Variants in ACADL observed in about 807,000 individuals in gnomAD.
The protein encoded by ACADL is long-chain specific acyl-CoA dehydrogenase, mitochondrial.
In ACADL, 60 loss-of-function variants were observed where a neutral mutation model predicts 56.9. The ratio of observed to expected loss-of-function variants is 1.05; its 90% CI spans 0.86 to 1.31. The LOEUF (loss-of-function observed/expected upper bound fraction) is 1.31, where lower values mean the gene tolerates loss of function less well. Among genes scored for constraint, ACADL ranks in the 50% most tolerant of loss-of-function variants. ACADL has a pLI of 0.00. For synonymous variants in ACADL, 158 were observed against 179.7 expected (o/e 0.88, Z 0.97); for missense variants, 484 against 525.5 (o/e 0.92, Z 0.77).
At chr2:210,216,219 C>T in intron 4 of ACADL, 128 bp downstream of exon 4, 1 of 978,084 alleles carries the variant, frequency 1.0e-6, no homozygotes, top group South Asian at 1.3e-5. Context: ...GACTTGAGGT[C>T]ATGAATTATC....
chr2:210,214,534 CTGCTTA>C (rs1432174360), intron 4 of ACADL, among the ~76,000 whole-genome samples: 1 of 35,676 alleles, frequency 2.8e-5, no homozygotes, highest in African/African-American at 6.5e-5. Context: ...AGAAAGAAAT[CTGCTTA>C]TTTTCTCCAT....
intron 6 of ACADL, among the ~76,000 whole-genome samples, chr2:210,205,114 C>T (rs1173695937): frequency 6.6e-6 from 1 of 152,056 alleles, no homozygotes; most frequent in Non-Finnish European, 1.5e-5. Context: ...GCAACCTCTG[C>T]CTCCTGGGTT....
intron 4 of ACADL, among the ~76,000 whole-genome samples, chr2:210,214,142 ACT>A (rs1308025167): frequency 1.3e-5 from 2 of 152,136 alleles, no homozygotes; most frequent in Non-Finnish European, 2.9e-5. Flanking sequence ...GGCCAGTGAA[ACT>A]CTGGATGTTT....
In ACADL at chr2:210,195,239, A is replaced by C; in HGVS notation, c.1084T>G (p.Ser362Ala). The change falls in exon 9 of 11, where the codon TCC becomes GCC. Residue 362 changes from serine to alanine, a missense_variant. Transcript: ENST00000233710. Reference protein sequence around the residue: ...LQLHEAKRLDSATACMAKYWA... With the variant: ...LQLHEAKRLDAATACMAKYWA... ...TATTTCGCCATGCAAGCAGTGGCGG[A>C]GTCCAAACGTTTCGCTTCATGCAGC... 3.7e-6 allele frequency: 6 copies of C among 1,613,960 alleles called. No individual in the cohort carries two copies. Among genetic ancestry groups the C allele is most frequent in the Non-Finnish European group, 5.1e-6 (6 of 1,179,916 alleles).
chr2:210,224,043 T>C (rs1689223107), intron 1 of ACADL, among the ~76,000 whole-genome samples: 1 of 151,652 alleles, frequency 6.6e-6, no homozygotes, highest in Admixed American at 6.6e-5. Context: ...CTGGTCAATA[T>C]GGTGAAACCC....
Position 210,205,793 on chromosome 2 carries a change from A to G in ACADL, c.607T>C (p.Phe203Leu). Reference protein sequence around the residue: ...SDWILNGSKVFISNGSLSDVV... With the variant: ...SDWILNGSKVLISNGSLSDVV... Reference sequence around the variant, plus strand: ...TCACTTAATGACCCATTACTGATGAACACCTGCAAAACCCCAAGTACATTA... The same window carrying G: ...TCACTTAATGACCCATTACTGATGAGCACCTGCAAAACCCCAAGTACATTA... Residue 203 changes from phenylalanine to leucine, a missense_variant, in exon 6 of 11, where the codon TTC (phenylalanine) becomes CTC (leucine). By Grantham distance (22) the Phe-to-Leu change is conservative (BLOSUM62 0). Transcript: ENST00000233710. The G allele has an allele frequency of 6.2e-7, 1 of 1,613,984 alleles. No homozygotes were observed. The highest frequency in any genetic ancestry group is 1.3e-5 in the African/African-American group (1 of 75,034).
intron 4 of ACADL, among the ~76,000 whole-genome samples, chr2:210,211,907 T>A (rs1688988918): frequency 6.6e-6 from 1 of 151,676 alleles, no homozygotes; most frequent in African/African-American, 2.4e-5. Flanking sequence ...CTTGGTTCAT[T>A]GCAACCTCTG....
chr2:210,203,408 T>C lies in ACADL; in HGVS notation c.907A>G (p.Ser303Gly). Residue 303 changes from serine to glycine, a missense_variant, in exon 8 of 11, where the codon AGT (serine) becomes GGT (glycine). Transcript: ENST00000233710. Reference protein sequence around the residue: ...LLIADVAISASEFMFEETRNY... With the variant: ...LLIADVAISAGEFMFEETRNY... ...CTGGTTTCTTCAAACATGAATTCACTAGCTGAAATTGCCACATCAGCAATT... is the reference window on the plus strand; with the variant it reads ...CTGGTTTCTTCAAACATGAATTCACCAGCTGAAATTGCCACATCAGCAATT... The C allele has an allele frequency of 6.2e-7, 1 of 1,611,242 alleles. No homozygotes were observed. Among genetic ancestry groups the C allele is most frequent in the South Asian group, 1.1e-5 (1 of 90,948 alleles).
At chr2:210,214,710 T>G (rs1288445346) in intron 4 of ACADL, among the ~76,000 whole-genome samples, 1 of 152,198 alleles carries the variant, frequency 6.6e-6, no homozygotes, top group Non-Finnish European at 1.5e-5. Flanking sequence ...TAATATGCAA[T>G]GAGCTGGAAG....
Position 210,217,967 on chromosome 2 carries a change from C to G in ACADL, c.369G>C (p.Glu123Asp). 6.2e-7 allele frequency: 1 copy of G among 1,614,042 alleles called. No individual in the cohort carries two copies. Among genetic ancestry groups the G allele is most frequent in the Non-Finnish European group, 8.5e-7 (1 of 1,179,972 alleles). Reference sequence around the variant, plus strand: ...ACCTTAAAAGTCTCCATACTTACTGCTCCTCCCAGACAATAGCTGCGGAGT... The same window carrying G: ...ACCTTAAAAGTCTCCATACTTACTGGTCCTCCCAGACAATAGCTGCGGAGT... ...DLYSAAIVWE[E>D]QAYSNCSGPG... The change falls in exon 3 of 11, where the codon GAG (glutamate) becomes GAC (aspartate). Residue 123 changes from glutamate to aspartate, a missense_variant and splice_region_variant. By Grantham distance (45) the Glu-to-Asp change is conservative. Coordinates refer to ENST00000233710, the MANE Select transcript of ACADL (RefSeq NM_001608.4).
intron 4 of ACADL, among the ~76,000 whole-genome samples, chr2:210,214,468 A>AAAGAAAGAAAGG (rs1689041318): frequency 2.4e-5 from 1 of 42,418 alleles, no homozygotes; most frequent in African/African-American, 1.2e-4. Flanking sequence ...ACCTTCCAAA[A>AAAGAAAGAAAGG]AAGAAAGAAA....
chr2:210,202,153 T>A (rs1688803615), intron 8 of ACADL, among the ~76,000 whole-genome samples: 1 of 152,102 alleles, frequency 6.6e-6, no homozygotes. Context: ...AGTGCAGTGG[T>A]GCGATCTTGG....
intron 8 of ACADL, among the ~76,000 whole-genome samples, chr2:210,197,948 G>T (rs1258403048): frequency 6.6e-6 from 1 of 152,142 alleles, no homozygotes; most frequent in Non-Finnish European, 1.5e-5. Context: ...TTGCCATTGG[G>T]TTGAGCGTTA....
intron 7 of ACADL, 120 bp downstream of exon 7, chr2:210,204,461 C>A: frequency 2.7e-6 from 2 of 752,336 alleles, no homozygotes; most frequent in African/African-American, 1.8e-5. Context: ...AAATGATTAG[C>A]TATTTCACAA....
Position 210,216,564 on chromosome 2 carries a change from A to G in ACADL, c.372-53T>C, listed in dbSNP as rs878858614. 1.1e-4 allele frequency: 171 copies of G among 1,512,030 alleles called. 1 individual carries two copies. The South Asian group carries it at 1.9e-3, about 17-fold the overall frequency. The allele number at this position is 1,512,030 out of a possible 1,614,324, so 93.7% of individuals were successfully genotyped here. A position where few individuals can be genotyped will look rare whatever the true frequency, so the allele number is the denominator to read the frequency against. On this transcript the variant is annotated intron_variant, in intron 3 of 10. Coordinates refer to ENST00000233710, the MANE Select transcript of ACADL (RefSeq NM_001608.4). ...GAGCATAAAATAGCAATAAAAAACG[A>G]CTATTATAACAACAATGTATTAAGG... is the stretch of plus-strand genomic sequence containing the variant.
intron 7 of ACADL, 141 bp from the exon 8 acceptor site, chr2:210,203,585 A>G (rs941141175): frequency 3.4e-6 from 2 of 591,318 alleles, no homozygotes; most frequent in Non-Finnish European, 5.9e-6. Flanking sequence ...CTTATAAGAA[A>G]ACAGATTTAT....
intron 8 of ACADL, among the ~76,000 whole-genome samples, chr2:210,201,028 G>A (rs767576282): frequency 6.6e-6 from 1 of 152,084 alleles, no homozygotes; most frequent in South Asian, 2.1e-4. Flanking sequence ...TGAAAAACCC[G>A]ACTGCTGGTC....
intron 5 of ACADL, among the ~76,000 whole-genome samples, chr2:210,207,311 C>T (rs960446201): frequency 6.6e-6 from 1 of 152,066 alleles, no homozygotes; most frequent in African/African-American, 2.4e-5. Flanking sequence ...AATTCAAAAC[C>T]TTTAGCAGGA....
chr2:210,225,114 C>G, intron 1 of ACADL, 73 bp downstream of exon 1: 1 of 1,524,862 alleles, frequency 6.6e-7, no homozygotes, highest in Non-Finnish European at 8.8e-7. Context: ...TTCAAGCCAG[C>G]GACAGGAGTG....
Sources: gnomAD v4.1 joint callset for allele counts (sites outside exome capture counted in the v4.1 genomes callset) on GRCh38, gnomAD v4.1.1 for gene constraint, MANE v1.5 for transcripts, NCBI Gene and HGNC (gene_info 2026-07-23, HGNC 2026-07-21) for gene names.